The following RIC8B variants were observed in gnomAD, a reference collection of about 807,000 sequenced individuals.
RIC8B encodes RIC8 guanine nucleotide exchange factor B, also known as chaperone Ric-8B.
RIC8B carries 16 observed loss-of-function variants against 57.5 expected under a neutral mutation model. The ratio of observed to expected loss-of-function variants is 0.28; its 90% CI spans 0.19 to 0.42. RIC8B has a LOEUF of 0.42. Among genes scored for constraint, RIC8B ranks in the 10% least tolerant of loss-of-function variants. The probability of loss-of-function intolerance (pLI) is 1.00; values close to 1 mark genes in which losing one functional copy is unlikely to be tolerated. For missense variants in RIC8B, 481 were observed against 677.0 expected, an observed-to-expected ratio of 0.71 and a Z score of 3.21; for synonymous variants, 216 against 250.8, an observed-to-expected ratio of 0.86 and a Z score of 1.31.
At position 106,851,460 on chromosome 12, in the gene RIC8B, C is replaced by T. The variant is rs1566135755; in HGVS notation, c.1172C>T (p.Pro391Leu). ...CATTTGTGCCATCAGGTTTTACCAC[C>T]GTTGAGGGATGTGACAAATCGACCT... Reference protein sequence around the residue: ...RKFLKDQVLPPLRDVTNRPEV... With the variant: ...RKFLKDQVLPLLRDVTNRPEV... The change falls in exon 7 of 10, where the codon CCG becomes CTG. Residue 391 changes from proline (P) to leucine (L), a missense_variant. Coordinates refer to ENST00000392837, the MANE Select transcript of RIC8B (RefSeq NM_001330145.2). The T allele has an allele frequency of 5.0e-6, 8 of 1,613,492 alleles. No individual in the cohort carries two copies. Among genetic ancestry groups the T allele is most frequent in the Non-Finnish European group, 6.8e-6 (8 of 1,179,750 alleles).
chr12:106,812,025 G>A (rs913894429), intron 2 of RIC8B, among the ~76,000 whole-genome samples: 2 of 148,390 alleles, frequency 1.3e-5, no homozygotes, highest in South Asian at 2.2e-4. Flanking sequence ...CATTAAATAT[G>A]TCTATTAAAC....
chr12:106,834,308 A>C (rs974462173), intron 4 of RIC8B, among the ~76,000 whole-genome samples: 2 of 152,214 alleles, frequency 1.3e-5, no homozygotes, highest in South Asian at 4.1e-4. Flanking sequence ...GCTTATACTA[A>C]TTATCTTCAA....
At position 106,867,079 on chromosome 12, in the gene RIC8B, G is replaced by A. The variant is rs571945548; in HGVS notation, c.1452-3744G>A. On this transcript the variant is annotated intron_variant, in intron 8 of 9. Coordinates refer to ENST00000392837, the MANE Select transcript of RIC8B (RefSeq NM_001330145.2). This position sits in a 1 kb window ranked among gnomAD's most constrained non-coding sequence, Gnocchi z 4.3. ...GATTGAAGTTAATTTTCATATAGCC[G>A]AATTAAGTTTTAATGGATCTTTTTT... is the stretch of plus-strand genomic sequence containing the variant. 3.7e-4 allele frequency among the ~76,000 whole-genome samples: 56 copies of A among 152,272 alleles called. 1 individual carries two copies. The highest frequency in any genetic ancestry group is 1.2e-3 in the African/African-American group (48 of 41,572).
At chr12:106,851,342 T>C in intron 6 of RIC8B, 108 bp from the exon 7 acceptor site, 1 of 308,844 alleles carries the variant, frequency 3.2e-6, no homozygotes, top group Non-Finnish European at 6.1e-6. Context: ...TTTTTGCTCC[T>C]ACAATACAAA....
chr12:106,795,984 T>C (rs1180787977), intron 2 of RIC8B, among the ~76,000 whole-genome samples: 1 of 152,142 alleles, frequency 6.6e-6, no homozygotes, highest in Non-Finnish European at 1.5e-5. Flanking sequence ...TGTAAAACAT[T>C]GTTAAAGGAA....
chr12:106,800,228 A>T (rs1470018584), intron 2 of RIC8B, among the ~76,000 whole-genome samples: 1 of 152,172 alleles, frequency 6.6e-6, no homozygotes, highest in Admixed American at 6.5e-5. Context: ...AAGAGGTTTA[A>T]TTGGCTCACA....
intron 3 of RIC8B, among the ~76,000 whole-genome samples, chr12:106,819,508 T>C (rs2045741278): frequency 6.6e-6 from 1 of 152,044 alleles, no homozygotes; most frequent in African/African-American, 2.4e-5. Flanking sequence ...TGCTAGCACT[T>C]TGGGAGGCTG....
intron 7 of RIC8B, among the ~76,000 whole-genome samples, chr12:106,852,461 G>A (rs1221383618): frequency 6.6e-6 from 1 of 152,150 alleles, no homozygotes; most frequent in Non-Finnish European, 1.5e-5. Flanking sequence ...CATTTCTGAT[G>A]TATTGATCCA....
intron 9 of RIC8B, among the ~76,000 whole-genome samples, chr12:106,881,025 A>G (rs1199630230): frequency 6.6e-6 from 1 of 152,226 alleles, no homozygotes; most frequent in Non-Finnish European, 1.5e-5. Context: ...GAAAGATAAT[A>G]TCAAGTACAA....
chr12:106,846,610 G>A (rs1424871918), intron 6 of RIC8B, among the ~76,000 whole-genome samples: 1 of 151,710 alleles, frequency 6.6e-6, no homozygotes, highest in Non-Finnish European at 1.5e-5. Flanking sequence ...ACTAGGAGGA[G>A]TTGGTGAAGC....
intron 2 of RIC8B, among the ~76,000 whole-genome samples, chr12:106,786,647 T>C (rs973875323): frequency 3.3e-5 from 5 of 152,218 alleles, no homozygotes; most frequent in African/African-American, 1.2e-4. Flanking sequence ...AGCAAAGTTA[T>C]TCACTGAAAC....
chr12:106,847,767 T>C (rs1949272510), intron 6 of RIC8B, among the ~76,000 whole-genome samples: 1 of 152,214 alleles, frequency 6.6e-6, no homozygotes, highest in Non-Finnish European at 1.5e-5. Flanking sequence ...AAGTTCTTAT[T>C]TGACTTCGTG....
Position 106,880,766 on chromosome 12 carries a change from A to G in RIC8B, c.1572-5138A>G, listed in dbSNP as rs369273238. On this transcript the variant is annotated intron_variant, in intron 9 of 9. Transcript: ENST00000392837. ...GAGCACCTGCTGTGTGCTGTGTTCT[A>G]TACTAGATACTGGCAAATCACAGCC... 2.1e-4 allele frequency among the ~76,000 whole-genome samples: 32 copies of G among 152,216 alleles called. No individual in the cohort carries two copies. In the East Asian group the frequency reaches 5.0e-3, roughly 24 times the overall value.
intron 2 of RIC8B, among the ~76,000 whole-genome samples, chr12:106,806,139 G>C (rs949958891): frequency 3.3e-5 from 5 of 152,098 alleles, no homozygotes; most frequent in African/African-American, 1.2e-4. Context: ...TAGAGACGGG[G>C]TTTCTCCACG....
chr12:106,842,972 A>G (rs769121914), intron 5 of RIC8B, among the ~76,000 whole-genome samples, 155 bp downstream of exon 5: 4 of 152,212 alleles, frequency 2.6e-5, no homozygotes, highest in Non-Finnish European at 5.9e-5. Context: ...AAAGCAGTTT[A>G]TTACAATATA....
chr12:106,792,053 G>A (rs2044280802), intron 2 of RIC8B, among the ~76,000 whole-genome samples: 1 of 152,138 alleles, frequency 6.6e-6, no homozygotes, highest in Non-Finnish European at 1.5e-5. Context: ...GTTACATAGT[G>A]CAAGTACAGT....
At chr12:106,874,134 A>T (rs1198577026) in intron 9 of RIC8B, among the ~76,000 whole-genome samples, 1 of 152,192 alleles carries the variant, frequency 6.6e-6, no homozygotes, top group Non-Finnish European at 1.5e-5. Flanking sequence ...GTTTCATTTT[A>T]AAAAGTGAGA....
At chr12:106,855,582 A>G (rs927905339) in intron 7 of RIC8B, among the ~76,000 whole-genome samples, 3 of 152,204 alleles carry the variant, frequency 2.0e-5, no homozygotes, top group Admixed American at 6.5e-5. Context: ...TACGTCTCTC[A>G]TAACAGTTAA....
intron 8 of RIC8B, among the ~76,000 whole-genome samples, chr12:106,868,762 T>C (rs1950247064): frequency 9.0e-6 from 1 of 111,552 alleles, no homozygotes; most frequent in Non-Finnish European, 1.8e-5. Context: ...AAGCAGGCAC[T>C]CTAGACACAC....
Sources: allele counts gnomAD v4.1 joint callset (sites outside exome capture counted in the v4.1 genomes callset), GRCh38; gene constraint gnomAD v4.1.1; non-coding constraint Gnocchi (gnomAD v3.1); transcripts MANE v1.5; gene names NCBI Gene and HGNC (gene_info 2026-07-23, HGNC 2026-07-21).